Variants in GLIS3 observed in about 807,000 individuals in gnomAD.
GLIS3 encodes the protein GLIS family zinc finger 3, also known as zinc finger protein GLIS3.
In GLIS3, 53 loss-of-function variants were observed where a neutral mutation model predicts 78.6. That is an observed-to-expected ratio of 0.67 (90% confidence interval 0.54 to 0.85). The LOEUF is 0.85. GLIS3 is among the 40% of genes least tolerant of loss of function. The pLI is 0.00. For synonymous variants in GLIS3, 684 were observed against 509.9 expected (o/e 1.34, Z -4.60); for missense variants, 1,703 against 1,231.1 (o/e 1.38, Z -5.74).
At chr9:4,089,433 T>C (rs1481573213) in intron 4 of GLIS3, among the ~76,000 whole-genome samples, 1 of 152,216 alleles carries the variant, frequency 6.6e-6, no homozygotes, top group African/African-American at 2.4e-5. Flanking sequence ...TACACGACCT[T>C]ACAAATTCAA....
chr9:4,331,393 A>AT (rs34429741), intron 2 of GLIS3, among the ~76,000 whole-genome samples: 96,546 of 151,868 alleles, frequency 0.64, 33,882 homozygotes, highest in Non-Finnish European at 0.8. Flanking sequence ...TCTAGACCCT[A>AT]TTCCAAATAA....
chr9:4,452,602 C>A, the GLIS3 span, among the ~76,000 whole-genome samples: 1 of 152,136 alleles, frequency 6.6e-6, no homozygotes, highest in African/African-American at 2.4e-5. Context: ...CCTAGGAATC[C>A]AACTTACAAG....
chr9:4,091,855 G>A (rs1829534909), intron 4 of GLIS3, among the ~76,000 whole-genome samples: 1 of 152,024 alleles, frequency 6.6e-6, no homozygotes, highest in Non-Finnish European at 1.5e-5. Context: ...AAGTATCTGT[G>A]TATCTAAACA....
In GLIS3 at chr9:3,879,816, C is replaced by T. The variant is rs34181836; in HGVS notation, c.2129-221G>A. On this transcript the variant is annotated intron_variant, in intron 7 of 10. Coordinates refer to ENST00000381971, the MANE Select transcript of GLIS3 (RefSeq NM_001042413.2). Reference sequence around the variant, plus strand: ...GTCTGGCTCGCTTCAGGCTGATGTTCACGGTCTGTCTCCTAAGTGCTGCCA... The same window carrying T: ...GTCTGGCTCGCTTCAGGCTGATGTTTACGGTCTGTCTCCTAAGTGCTGCCA... Among the ~76,000 whole-genome samples the T allele has an allele frequency of 1.8e-3, 280 of 152,194 alleles. 1 individual carries two copies. The highest frequency in any genetic ancestry group is 3.3e-3 in the Non-Finnish European group (226 of 68,016).
At chr9:4,124,867 C>T (rs1193534334) in intron 3 of GLIS3, among the ~76,000 whole-genome samples, 2 of 152,196 alleles carry the variant, frequency 1.3e-5, no homozygotes, top group African/African-American at 2.4e-5. Flanking sequence ...AGAACTAGGA[C>T]TAAGGCAGAA....
the GLIS3 span, among the ~76,000 whole-genome samples, chr9:4,408,131 T>C: frequency 2.6e-5 from 4 of 151,942 alleles, no homozygotes; most frequent in Non-Finnish European, 5.9e-5. Flanking sequence ...CTAGCAAGAA[T>C]GTGGAGAAAA....
At chr9:4,162,670 C>A (rs575903143) in intron 2 of GLIS3, among the ~76,000 whole-genome samples, 3 of 151,996 alleles carry the variant, frequency 2.0e-5, no homozygotes, top group South Asian at 2.1e-4. Flanking sequence ...TCCTGGCTAA[C>A]ACGGTGAAAT....
intron 2 of GLIS3, among the ~76,000 whole-genome samples, chr9:4,166,324 G>C (rs1433313501): frequency 6.6e-6 from 1 of 152,164 alleles, no homozygotes; most frequent in Non-Finnish European, 1.5e-5. Flanking sequence ...ATACAGTGAA[G>C]GGTGGAAAGG....
chr9:4,391,627 A>C, the GLIS3 span, among the ~76,000 whole-genome samples: 1 of 151,972 alleles, frequency 6.6e-6, no homozygotes, highest in Non-Finnish European at 1.5e-5. Flanking sequence ...AGATATGTAA[A>C]TATTTAACCG....
chr9:4,440,178 G>C, the GLIS3 span, among the ~76,000 whole-genome samples: 1 of 152,100 alleles, frequency 6.6e-6, no homozygotes. Context: ...TTGCTGTGCA[G>C]AAGTTTTTTA....
chr9:4,037,762 A>G (rs1824458250), intron 4 of GLIS3, among the ~76,000 whole-genome samples: 1 of 152,186 alleles, frequency 6.6e-6, no homozygotes. Context: ...CCTTATGGTC[A>G]CTTAATTAAT....
intron 4 of GLIS3, among the ~76,000 whole-genome samples, chr9:4,058,773 G>T (rs61354207): frequency 6.6e-6 from 1 of 152,014 alleles, no homozygotes; most frequent in Admixed American, 6.5e-5. Flanking sequence ...GAGGTCAGGA[G>T]ATCGAGACCA....
intron 2 of GLIS3, among the ~76,000 whole-genome samples, chr9:4,138,617 G>A (rs147348115): frequency 5.8e-4 from 88 of 152,268 alleles, no homozygotes; most frequent in African/African-American, 1.8e-3. Context: ...GGGGGAAGCC[G>A]TAAAGAATGA....
At chr9:4,085,647 T>A (rs1213842751) in intron 4 of GLIS3, among the ~76,000 whole-genome samples, 3 of 152,204 alleles carry the variant, frequency 2.0e-5, no homozygotes, top group Non-Finnish European at 4.4e-5. Flanking sequence ...TGGGGCCTGG[T>A]GGGAGGTGAC....
At chr9:4,190,500 C>T (rs1372414937) in intron 2 of GLIS3, among the ~76,000 whole-genome samples, 2 of 133,958 alleles carry the variant, frequency 1.5e-5, no homozygotes, top group Non-Finnish European at 3.4e-5. Flanking sequence ...TAAAAACAAA[C>T]GAACAAAACC....
chr9:4,198,830 A>T (rs1819104272), intron 2 of GLIS3, among the ~76,000 whole-genome samples: 1 of 152,224 alleles, frequency 6.6e-6, no homozygotes, highest in African/African-American at 2.4e-5. Flanking sequence ...CAGGTCACAT[A>T]CAATGGGAGC....
intron 7 of GLIS3, among the ~76,000 whole-genome samples, chr9:3,881,071 A>T (rs1284962191): frequency 6.6e-6 from 1 of 152,160 alleles, no homozygotes; most frequent in African/African-American, 2.4e-5. Context: ...CACTAACCTC[A>T]TTTATGCTCA....
At chr9:4,122,575 T>C (rs1832270961) in intron 3 of GLIS3, among the ~76,000 whole-genome samples, 1 of 152,182 alleles carries the variant, frequency 6.6e-6, no homozygotes, top group African/African-American at 2.4e-5. Flanking sequence ...CTGAACTTTG[T>C]CACTGACAAG....
At chr9:4,172,730 A>G (rs1370620322) in intron 2 of GLIS3, among the ~76,000 whole-genome samples, 1 of 152,196 alleles carries the variant, frequency 6.6e-6, no homozygotes, top group Admixed American at 6.5e-5. Flanking sequence ...AAGAAGGCAA[A>G]AATCATTAAA....
Sources: gnomAD v4.1 joint callset for allele counts (sites outside exome capture counted in the v4.1 genomes callset) on GRCh38, gnomAD v4.1.1 for gene constraint, MANE v1.5 for transcripts, NCBI Gene and HGNC (gene_info 2026-07-23, HGNC 2026-07-21) for gene names.